Variants in GPR39 observed in about 807,000 individuals in gnomAD.
GPR39 encodes the protein zinc sensing receptor.
Under a neutral mutation model 18.4 loss-of-function variants are expected in GPR39, and 23 were observed. The observed-to-expected ratio is 1.25, with a 90% confidence interval of 0.90 to 1.77. The LOEUF (loss-of-function observed/expected upper bound fraction) is 1.77. GPR39 is among the 40% of genes most tolerant of loss of function. The pLI, the probability that GPR39 is intolerant of heterozygous loss-of-function variation, is 0.00. For missense variants in GPR39, 647 were observed against 602.4 expected, an observed-to-expected ratio of 1.07 and a Z score of -0.78; for synonymous variants, 280 against 257.9, an observed-to-expected ratio of 1.09 and a Z score of -0.82.
intron 1 of GPR39, among the ~76,000 whole-genome samples, chr2:132,623,843 G>T (rs1453910127): frequency 6.6e-6 from 1 of 152,156 alleles, no homozygotes; most frequent in African/African-American, 2.4e-5. Flanking sequence ...TTTTAGTTCA[G>T]CCAAGGAAGA....
At chr2:132,548,432 A>G (rs1354359180) in intron 1 of GPR39, among the ~76,000 whole-genome samples, 2 of 152,238 alleles carry the variant, frequency 1.3e-5, no homozygotes, top group African/African-American at 4.8e-5. Context: ...CTAAAAGTCC[A>G]TCTACGCTGG....
rs188552771 is a variant in GPR39, at chr2:132,613,691, C to T, written c.857-31410C>T. On this transcript the variant is annotated intron_variant, in intron 1 of 1. Transcript: ENST00000329321. Reference sequence around the variant, plus strand: ...TAAAGGTTTAGCTTATAGTTCTCCTCCTCATCCTTGTCCTGATACTTGTCC... The same window carrying T: ...TAAAGGTTTAGCTTATAGTTCTCCTTCTCATCCTTGTCCTGATACTTGTCC... Among the ~76,000 whole-genome samples, 26 of 152,214 alleles carry T rather than the reference C, an allele frequency of 1.7e-4. No individual in the cohort carries two copies. The East Asian group carries it at 2.9e-3, about 17-fold the overall frequency.
intron 1 of GPR39, among the ~76,000 whole-genome samples, chr2:132,586,525 G>A (rs1680735675): frequency 6.6e-6 from 1 of 152,096 alleles, no homozygotes; most frequent in Admixed American, 6.5e-5. Flanking sequence ...GACACCCTTG[G>A]GGCCTTCCCT....
chr2:132,428,545 T>C (rs115726430), intron 1 of GPR39, among the ~76,000 whole-genome samples: 11 of 152,292 alleles, frequency 7.2e-5, no homozygotes, highest in African/African-American at 2.6e-4. Context: ...ATATTCACAG[T>C]ATGGTCCAGG....
chr2:132,482,563 A>G (rs1681255414), intron 1 of GPR39, among the ~76,000 whole-genome samples: 1 of 152,136 alleles, frequency 6.6e-6, no homozygotes, highest in Non-Finnish European at 1.5e-5. Context: ...ATTCAAGAGA[A>G]GGGGAAACAA....
intron 1 of GPR39, among the ~76,000 whole-genome samples, chr2:132,532,827 G>A (rs1455405577): frequency 2.0e-5 from 3 of 152,130 alleles, no homozygotes; most frequent in Non-Finnish European, 1.5e-5. Flanking sequence ...AATAAATTAG[G>A]TATTGATGGG....
At chr2:132,532,027 C>A (rs1222082439) in intron 1 of GPR39, among the ~76,000 whole-genome samples, 2 of 152,026 alleles carry the variant, frequency 1.3e-5, no homozygotes, top group African/African-American at 4.8e-5. Flanking sequence ...GATAGAGACA[C>A]AAAAAACCCT....
intron 1 of GPR39, among the ~76,000 whole-genome samples, chr2:132,599,123 G>A (rs1173675455): frequency 6.6e-6 from 1 of 152,150 alleles, no homozygotes; most frequent in East Asian, 1.9e-4. Flanking sequence ...AAGGGTCTAA[G>A]TTATAAAGGG....
In GPR39 at chr2:132,646,199, C is replaced by A. The variant is rs780970268; in HGVS notation, c.*593C>A. The A allele has an allele frequency of 2.5e-6, 4 of 1,607,278 alleles. No individual in the cohort carries two copies. On this transcript the variant is annotated 3_prime_UTR_variant, in exon 2 of 2. Coordinates refer to ENST00000329321, the MANE Select transcript of GPR39 (RefSeq NM_001508.3). The stretch of plus-strand genomic sequence containing the variant: ...GCTGATGCAAACTGAGTTCAGTTTC[C>A]CTGGGGAGCAGAAGGACTGGTACCC...
At chr2:132,569,640 G>A (rs1238514206) in intron 1 of GPR39, among the ~76,000 whole-genome samples, 1 of 151,726 alleles carries the variant, frequency 6.6e-6, no homozygotes, top group Non-Finnish European at 1.5e-5. Flanking sequence ...GGGGTGGGGG[G>A]GGTCCCATCG....
intron 1 of GPR39, among the ~76,000 whole-genome samples, chr2:132,548,270 TTAAA>T (rs754296626): frequency 1.6e-4 from 24 of 152,346 alleles, no homozygotes; most frequent in Middle Eastern, 6.8e-3. Flanking sequence ...TGTTTTTAGT[TTAAA>T]TAACATACAG....
intron 1 of GPR39, among the ~76,000 whole-genome samples, chr2:132,538,012 G>C (rs905908422): frequency 6.6e-6 from 1 of 151,996 alleles, no homozygotes; most frequent in Non-Finnish European, 1.5e-5. Flanking sequence ...GCTCAGCGGA[G>C]TTTGTTATTA....
Position 132,643,874 on chromosome 2 carries a change from C to T in GPR39, c.857-1227C>T, listed in dbSNP as rs554248821. On this transcript the variant is annotated intron_variant, in intron 1 of 1. Transcript: ENST00000329321. ...GTCATAGGCAGGAAGCATTCATTGC[C>T]AACTGTCACTTCCCTAGGGTTTCTA... Among the ~76,000 whole-genome samples, 3 of 152,262 alleles carry T rather than the reference C, an allele frequency of 2.0e-5. No homozygotes were observed. The South Asian group carries it at 6.2e-4, about 32-fold the overall frequency.
intron 1 of GPR39, among the ~76,000 whole-genome samples, chr2:132,445,798 A>T (rs1015596874): frequency 6.6e-6 from 1 of 152,202 alleles, no homozygotes; most frequent in African/African-American, 2.4e-5. Flanking sequence ...CATTAGGGTA[A>T]ACAGTAGACA....
At chr2:132,580,972 AC>A (rs1270367156) in intron 1 of GPR39, among the ~76,000 whole-genome samples, 4 of 147,944 alleles carry the variant, frequency 2.7e-5, no homozygotes, top group Admixed American at 6.6e-5. Flanking sequence ...AAAAAAAAAA[AC>A]AAAAAAAAAA....
chr2:132,516,512 A>C (rs143956062), intron 1 of GPR39, among the ~76,000 whole-genome samples: 155 of 152,264 alleles, frequency 1.0e-3, no homozygotes, highest in Middle Eastern at 3.4e-3. Context: ...TCCTATTCTT[A>C]ATATCTCTCA....
At chr2:132,525,579 A>G (rs1679493504) in intron 1 of GPR39, among the ~76,000 whole-genome samples, 2 of 152,176 alleles carry the variant, frequency 1.3e-5, no homozygotes, top group South Asian at 2.1e-4. Context: ...ATGACTCAAT[A>G]AGGTTGACTG....
chr2:132,509,971 T>C (rs1679210915), intron 1 of GPR39, among the ~76,000 whole-genome samples: 1 of 152,038 alleles, frequency 6.6e-6, no homozygotes, highest in African/African-American at 2.4e-5. Flanking sequence ...TGGGTGCAGA[T>C]GGCATAAAGG....
At chr2:132,488,441 T>C (rs1378955722) in intron 1 of GPR39, 1 of 153,200 alleles carries the variant, frequency 6.5e-6, no homozygotes, top group Non-Finnish European at 1.5e-5. Flanking sequence ...AAGCAAGGAC[T>C]TAAGGTCTTC....
Sources: allele counts gnomAD v4.1 joint callset (sites outside exome capture counted in the v4.1 genomes callset), GRCh38; gene constraint gnomAD v4.1.1; transcripts MANE v1.5; gene names NCBI Gene and HGNC (gene_info 2026-07-23, HGNC 2026-07-21).